The following RPL37 variants were observed in gnomAD, a reference collection of about 807,000 sequenced individuals.
RPL37 encodes ribosomal protein L37.
RPL37 carries 1 observed loss-of-function variant against 14.8 expected under a neutral mutation model. The observed-to-expected ratio is 0.07, with a 90% CI of 0.02 to 0.32. The LOEUF is 0.32. RPL37 is among the 10% of genes least tolerant of loss of function. The pLI, the probability that RPL37 is intolerant of heterozygous loss-of-function variation, is 1.00. For synonymous variants in RPL37, 53 were observed against 45.8 expected (o/e 1.16, Z -0.63); for missense variants, 100 against 128.3 (o/e 0.78, Z 1.06).
At chr5:40,832,778 G>A (rs1465269436) in intron 3 of RPL37, 2 of 679,838 alleles carry the variant, frequency 2.9e-6, no homozygotes, top group Non-Finnish European at 5.6e-6. Context: ...TTCGGATATA[G>A]TTAACTGCAA....
chr5:40,835,041 C>T (rs1277837668), intron 1 of RPL37, 142 bp downstream of exon 1: 16 of 1,126,122 alleles, frequency 1.4e-5, no homozygotes, highest in Admixed American at 2.0e-5. Context: ...ATTCTTCTGG[C>T]TCTTGAGGGC....
Position 40,835,200 on chromosome 5 carries a change from C to A in RPL37, c.-15G>T. ...CAACTCACCATCTCGCTTCTGCGGC[C>A]GAGACCAGAAAGACCGGAAGAGAAG... On this transcript the variant is annotated 5_prime_UTR_variant, in exon 1 of 4. Transcript: ENST00000274242. 8.7e-6 allele frequency: 14 copies of A among 1,614,074 alleles called. No homozygotes were observed. The highest frequency in any genetic ancestry group is 1.2e-5 in the Non-Finnish European group (14 of 1,180,026).
chr5:40,829,192 G>T lies in RPL37; in HGVS notation c.*3312C>A, dbSNP rs1036162001. 3 of 152,086 alleles carry T rather than the reference G, an allele frequency of 2.0e-5. No homozygotes were observed. The highest frequency in any genetic ancestry group is 2.9e-5 in the Non-Finnish European group (2 of 68,014). The allele number at this position is 152,086 out of a possible 1,614,324, so 9.4% of individuals were successfully genotyped here. A position where few individuals can be genotyped will look rare whatever the true frequency, so the allele number is the denominator to read the frequency against. ...TAGATGTTTTCTGTAGAGAACTCCC[G>T]GACAGCCCCACAGCCACTGCCTTAG... On this transcript the variant is annotated 3_prime_UTR_variant, in exon 4 of 4. Transcript: ENST00000274242.
Position 40,832,296 on chromosome 5 carries a change from G to T in RPL37, c.*208C>A. On this transcript the variant is annotated 3_prime_UTR_variant, in exon 4 of 4. Coordinates refer to ENST00000274242, the MANE Select transcript of RPL37 (RefSeq NM_000997.5). The stretch of plus-strand genomic sequence containing the variant: ...CCTGGAATTCTGCTTGTTTCTCATT[G>T]CCTTTAACCGTGTTACAAACCCAGT... The T allele has an allele frequency of 1.8e-6, 1 of 570,042 alleles. No individual in the cohort carries two copies. The highest frequency in any genetic ancestry group is 3.2e-6 in the Non-Finnish European group (1 of 308,804). 35.3% of individuals were successfully genotyped at this position (570,042 alleles called of 1,614,324 possible).
chr5:40,825,619 T>C lies in RPL37; in HGVS notation c.*6885A>G, dbSNP rs1274359081. 6.6e-6 allele frequency: 1 copy of C among 152,270 alleles called. No individual in the cohort carries two copies. Among genetic ancestry groups the C allele is most frequent in the Non-Finnish European group, 1.5e-5 (1 of 68,060 alleles). 9.4% of individuals were successfully genotyped at this position (152,270 alleles called of 1,614,324 possible). A position where few individuals can be genotyped will look rare whatever the true frequency, so the allele number is the denominator to read the frequency against. On this transcript the variant is annotated 3_prime_UTR_variant, in exon 4 of 4. Coordinates refer to ENST00000274242, the MANE Select transcript of RPL37 (RefSeq NM_000997.5). ...TGCTCTAATAACACCTTTTCCACTCTGACGTAGCTGAGCCATACACTACAT... is the reference window on the plus strand; with the variant it reads ...TGCTCTAATAACACCTTTTCCACTCCGACGTAGCTGAGCCATACACTACAT...
At chr5:40,833,992 C>T in intron 3 of RPL37, 189 bp downstream of exon 3, 1 of 580,536 alleles carries the variant, frequency 1.7e-6, no homozygotes, top group Non-Finnish European at 3.1e-6. Context: ...CTGCACTGAG[C>T]CGTGATCGTG....
rs1337271220 is a variant in RPL37, at chr5:40,825,588, A to T, written c.*6916T>A. On this transcript the variant is annotated 3_prime_UTR_variant, in exon 4 of 4. Transcript: ENST00000274242. ...TGCTTCCCTGTGACGCAGGGACCAT[A>T]GTTTCTGCTCTAATAACACCTTTTC... 1 of 152,210 alleles carries T rather than the reference A, an allele frequency of 6.6e-6. No homozygotes were observed. Among genetic ancestry groups the T allele is most frequent in the East Asian group, 1.9e-4 (1 of 5,188 alleles). 9.4% of individuals were successfully genotyped at this position (152,210 alleles called of 1,614,324 possible). A position where few individuals can be genotyped will look rare whatever the true frequency, so the allele number is the denominator to read the frequency against.
rs1484036715 is a variant in RPL37, at chr5:40,829,123, A to G, written c.*3381T>C. On this transcript the variant is annotated 3_prime_UTR_variant, in exon 4 of 4. Coordinates refer to ENST00000274242, the MANE Select transcript of RPL37 (RefSeq NM_000997.5). The stretch of plus-strand genomic sequence containing the variant: ...ATTTTCATGCTTAAATTATACAGAA[A>G]TGGGAAGCTTGGAAGTTAGCTACTC... 1 of 152,152 alleles carries G rather than the reference A, an allele frequency of 6.6e-6. No homozygotes were observed. The highest frequency in any genetic ancestry group is 2.4e-5 in the African/African-American group (1 of 41,448). The allele number at this position is 152,152 out of a possible 1,614,324, so 9.4% of individuals were successfully genotyped here.
rs1745551050 is a variant in RPL37, at chr5:40,827,828, C to T, written c.*4676G>A. ...CCAGGCTCAAGCGATTCTCTCGCCTCAGCCTCCTGAGTAGCTGGGATTACA... is the reference window on the plus strand; with the variant it reads ...CCAGGCTCAAGCGATTCTCTCGCCTTAGCCTCCTGAGTAGCTGGGATTACA... On this transcript the variant is annotated 3_prime_UTR_variant, in exon 4 of 4. Transcript: ENST00000274242. 6.6e-6 allele frequency: 1 copy of T among 152,126 alleles called. No homozygotes were observed. Among genetic ancestry groups the T allele is most frequent in the Non-Finnish European group, 1.5e-5 (1 of 68,098 alleles). 9.4% of individuals were successfully genotyped at this position (152,126 alleles called of 1,614,324 possible).
At position 40,834,231 on chromosome 5, in the gene RPL37, G is replaced by A. The variant is rs1745711867; in HGVS notation, c.174C>T (p.Thr58=). The A allele has an allele frequency of 6.2e-7, 1 of 1,614,014 alleles. No individual in the cohort carries two copies. The highest frequency in any genetic ancestry group is 8.5e-7 in the Non-Finnish European group (1 of 1,179,968). ...GGTGCCTCATTCGACCAGTTCCGGT[G>A]GTATTTCGTCTTTTAGCCTTGGCAC... ...NWSAKAKRRN[T]TGTGRMRHLK... is the part of the protein sequence containing the mutation. The change falls in exon 3 of 4, where the codon ACC becomes ACT. Residue 58 remains threonine, a synonymous_variant. Transcript: ENST00000274242.
In RPL37 at chr5:40,831,572, C is replaced by T. The variant is rs1046778090; in HGVS notation, c.*932G>A. ...TTTAAATAGCATGACTTGGCTACAT[C>T]ACTATTTTATGTAGCTGTTCCAGCA... On this transcript the variant is annotated 3_prime_UTR_variant, in exon 4 of 4. Transcript: ENST00000274242. 1 of 152,330 alleles carries T rather than the reference C, an allele frequency of 6.6e-6. No homozygotes were observed. Among genetic ancestry groups the T allele is most frequent in the African/African-American group, 2.4e-5 (1 of 41,444 alleles). The allele number at this position is 152,330 out of a possible 1,614,324, so 9.4% of individuals were successfully genotyped here.
chr5:40,831,871 T>C lies in RPL37; in HGVS notation c.*633A>G, dbSNP rs1361086377. On this transcript the variant is annotated 3_prime_UTR_variant, in exon 4 of 4. Transcript: ENST00000274242. ...TTTCCTTTATTTCCTGCTCAATCTT[T>C]ACTTGCACCCAAGCCCTACTTTTTC... is the stretch of plus-strand genomic sequence containing the variant. 6.6e-6 allele frequency: 1 copy of C among 152,630 alleles called. No homozygotes were observed. Among genetic ancestry groups the C allele is most frequent in the Non-Finnish European group, 1.5e-5 (1 of 68,274 alleles). 9.5% of individuals were successfully genotyped at this position (152,630 alleles called of 1,614,324 possible).
intron 3 of RPL37, among the ~76,000 whole-genome samples, chr5:40,833,089 T>A (rs1239999786): frequency 6.6e-6 from 1 of 152,166 alleles, no homozygotes; most frequent in Non-Finnish European, 1.5e-5. Context: ...AGCTCTTAAC[T>A]CCTATATTGT....
At chr5:40,834,738 C>T (rs1461251327) in intron 1 of RPL37, 132 bp from the exon 2 acceptor site, 1 of 1,022,870 alleles carries the variant, frequency 9.8e-7, no homozygotes, top group Admixed American at 2.6e-5. Flanking sequence ...AGCCTCTTTC[C>T]ACGAATGCCA....
chr5:40,833,473 A>G (rs1022593601), intron 3 of RPL37, among the ~76,000 whole-genome samples: 4 of 152,220 alleles, frequency 2.6e-5, no homozygotes, highest in African/African-American at 9.6e-5. Flanking sequence ...AGGTTCTCTC[A>G]GCTAAGTCTA....
intron 2 of RPL37, 25 bp downstream of exon 2, chr5:40,834,446 A>C (rs1745717902): frequency 1.2e-6 from 2 of 1,607,920 alleles, no homozygotes; most frequent in African/African-American, 2.7e-5. Context: ...AAGCTAACAC[A>C]GTTGGCCTGA....
rs10054398 is a variant in RPL37 at position 40,829,833 on chromosome 5, C to T, written c.*2671G>A. 0.38 allele frequency: 57,594 copies of T among 151,850 alleles called. 11,759 individuals carry two copies. Among genetic ancestry groups the T allele is most frequent in the Admixed American group, 0.48 (7,299 of 15,236 alleles). 9.4% of individuals were successfully genotyped at this position (151,850 alleles called of 1,614,324 possible). On this transcript the variant is annotated 3_prime_UTR_variant, in exon 4 of 4. Coordinates refer to ENST00000274242, the MANE Select transcript of RPL37 (RefSeq NM_000997.5). ...GATTACAGGCATGCACCACCACGCC[C>T]GGCTAATATTTTTGTATTTTTAGTA...
Position 40,828,671 on chromosome 5 carries a change from T to C in RPL37, c.*3833A>G, listed in dbSNP as rs1745570545. The C allele has an allele frequency of 6.6e-6, 1 of 152,164 alleles. No individual in the cohort carries two copies. The highest frequency in any genetic ancestry group is 6.5e-5 in the Admixed American group (1 of 15,274). The allele number at this position is 152,164 out of a possible 1,614,324, so 9.4% of individuals were successfully genotyped here. A position where few individuals can be genotyped will look rare whatever the true frequency, so the allele number is the denominator to read the frequency against. On this transcript the variant is annotated 3_prime_UTR_variant, in exon 4 of 4. Coordinates refer to ENST00000274242, the MANE Select transcript of RPL37 (RefSeq NM_000997.5). ...GCCAAATCCAGAATTTTAAAATATA[T>C]CTTCATTCTCTTTGGCCTCAGCCAC...
chr5:40,833,505 T>G (rs1209494376), intron 3 of RPL37, among the ~76,000 whole-genome samples: 1 of 152,342 alleles, frequency 6.6e-6, no homozygotes, highest in East Asian at 1.9e-4. Context: ...AGATTCTGCA[T>G]TTATAACTCT....
Sources: gnomAD v4.1 joint callset for allele counts (sites outside exome capture counted in the v4.1 genomes callset) on GRCh38, gnomAD v4.1.1 for gene constraint, MANE v1.5 for transcripts, NCBI Gene and HGNC (gene_info 2026-07-23, HGNC 2026-07-21) for gene names.